Variants in ST18 observed in about 807,000 individuals in gnomAD.
ST18 encodes the protein suppression of tumorigenicity 18 protein.
Under a neutral mutation model 110.0 loss-of-function variants are expected in ST18, and 50 were observed. That is an observed-to-expected ratio of 0.45 (90% confidence interval 0.36 to 0.58). The LOEUF (loss-of-function observed/expected upper bound fraction) is 0.58, where lower values mean the gene tolerates loss of function less well. Among genes scored for constraint, ST18 ranks in the 20% least tolerant of loss-of-function variants. The pLI, the probability that ST18 is intolerant of heterozygous loss-of-function variation, is 0.00. For synonymous variants in ST18, 461 were observed against 452.4 expected (o/e 1.02, Z -0.24); for missense variants, 1,306 against 1,280.1 (o/e 1.02, Z -0.31).
chr8:52,372,982 C>T (rs1437790533), intron 2 of ST18, among the ~76,000 whole-genome samples: 1 of 152,144 alleles, frequency 6.6e-6, no homozygotes, highest in Non-Finnish European at 1.5e-5. Context: ...AAGTTTTGTA[C>T]AGCTTATTCT....
intron 23 of ST18, 132 bp downstream of exon 23, chr8:52,125,920 C>A: frequency 1.4e-6 from 1 of 732,926 alleles, no homozygotes; most frequent in Non-Finnish European, 2.2e-6. Context: ...TAGTTCAAAT[C>A]TGAGGAAACC....
intron 8 of ST18, among the ~76,000 whole-genome samples, chr8:52,208,572 A>G (rs2080967685): frequency 6.6e-6 from 1 of 152,258 alleles, no homozygotes; most frequent in African/African-American, 2.4e-5. Context: ...CACGCCTGTA[A>G]TCCCAGCACT....
intron 8 of ST18, among the ~76,000 whole-genome samples, chr8:52,198,081 G>A (rs998587522): frequency 3.3e-5 from 5 of 152,142 alleles, no homozygotes; most frequent in African/African-American, 1.2e-4. Context: ...ATGTGCAGTG[G>A]CGCGATCTCG....
chr8:52,267,119 C>T (rs570880624), intron 2 of ST18, among the ~76,000 whole-genome samples: 2 of 152,028 alleles, frequency 1.3e-5, no homozygotes, highest in South Asian at 2.1e-4. Flanking sequence ...ATGACTTCTG[C>T]GATGGTGCAC....
At chr8:52,356,477 G>A (rs1403260750) in intron 2 of ST18, among the ~76,000 whole-genome samples, 1 of 152,132 alleles carries the variant, frequency 6.6e-6, no homozygotes, top group Non-Finnish European at 1.5e-5. Context: ...ACAACAAGCA[G>A]TAGCAACAAA....
At chr8:52,391,453 T>G (rs1022752295) in intron 2 of ST18, among the ~76,000 whole-genome samples, 1 of 152,128 alleles carries the variant, frequency 6.6e-6, no homozygotes, top group Non-Finnish European at 1.5e-5. Flanking sequence ...GGAAGGAGAA[T>G]TTCAGTCGCG....
At chr8:52,166,778 G>C (rs969112194) in intron 11 of ST18, 74 bp downstream of exon 11, 3 of 1,387,724 alleles carry the variant, frequency 2.2e-6, no homozygotes, top group East Asian at 2.6e-5. Flanking sequence ...ATTCCAAATT[G>C]GGAGACAAAG....
chr8:52,295,067 C>T (rs2095611248), intron 2 of ST18, among the ~76,000 whole-genome samples: 1 of 152,224 alleles, frequency 6.6e-6, no homozygotes, highest in Non-Finnish European at 1.5e-5. Flanking sequence ...AGGAGCCTGC[C>T]AGGCAGCAAT....
At chr8:52,360,816 A>G (rs1304001968) in intron 2 of ST18, among the ~76,000 whole-genome samples, 1 of 152,202 alleles carries the variant, frequency 6.6e-6, no homozygotes, top group Non-Finnish European at 1.5e-5. Flanking sequence ...TGAGTTTTAC[A>G]AAGCCTTCCT....
At position 52,149,853 on chromosome 8, in the gene ST18, G is replaced by A. The variant is rs1023617365; in HGVS notation, c.1931C>T (p.Pro644Leu). The change falls in exon 16 of 26, where the codon CCA (proline) becomes CTA (leucine). Residue 644 changes from proline (P) to leucine (L), a missense_variant. Physicochemically the swap from Pro to Leu is moderately conservative, Grantham distance 98. Transcript: ENST00000689386. ...GACCAGAATGCTGCTTGTTTTGAAT[G>A]GGGAAGAGGAAGGAGTTGGAATAGA... The part of the protein sequence containing the change: ...NTSIPTPSSS[P>L]FKTSSILVNA... 4 of 1,614,040 alleles carry A rather than the reference G, an allele frequency of 2.5e-6. No homozygotes were observed. The highest frequency in any genetic ancestry group is 3.4e-6 in the Non-Finnish European group (4 of 1,180,024).
In ST18 at chr8:52,270,911, G is replaced by GTTTT. The variant is rs562488412; in HGVS notation, c.-464-40838_-464-40835dup. On this transcript the variant is annotated intron_variant, in intron 2 of 25. Transcript: ENST00000689386. ...ACTCAATCAAGTGGTTATAAGTTTT[G>GTTTT]TTTTTTTTTTTGAGATGGAGTCTCG... Among the ~76,000 whole-genome samples the GTTTT allele has an allele frequency of 5.2e-3, 749 of 144,780 alleles. 8 individuals carry two copies. The highest frequency in any genetic ancestry group is 0.018 in the African/African-American group (712 of 39,694). 95.0% of individuals were successfully genotyped at this position (144,780 alleles called of 152,430 possible).
intron 19 of ST18, among the ~76,000 whole-genome samples, chr8:52,133,949 T>C (rs2050904685): frequency 6.6e-6 from 1 of 152,148 alleles, no homozygotes; most frequent in African/African-American, 2.4e-5. Flanking sequence ...CAGGCTGATC[T>C]CAAACTCCTG....
rs767356806 is a variant in ST18, at chr8:52,142,908, CATGGCAT to C, written c.2168+15_2168+21del. ...ATCTTCATTCCAGAATCTTAGAGGG[CATGGCAT>C]TGGGCACCACTTACGTGATTAGTTC... On this transcript the variant is annotated intron_variant, in intron 17 of 25. Transcript: ENST00000689386. 3 of 1,484,688 alleles carry C rather than the reference CATGGCAT, an allele frequency of 2.0e-6. No homozygotes were observed. In the Admixed American group the frequency reaches 5.1e-5, roughly 25 times the overall value. The allele number at this position is 1,484,688 out of a possible 1,614,324, so 92.0% of individuals were successfully genotyped here.
At chr8:52,402,230 G>A (rs1181110623) in intron 2 of ST18, among the ~76,000 whole-genome samples, 1 of 152,162 alleles carries the variant, frequency 6.6e-6, no homozygotes, top group Non-Finnish European at 1.5e-5. Flanking sequence ...TTATTATCAG[G>A]TGTGACATGG....
At chr8:52,314,490 C>G (rs2095985822) in intron 2 of ST18, among the ~76,000 whole-genome samples, 1 of 152,168 alleles carries the variant, frequency 6.6e-6, no homozygotes, top group Non-Finnish European at 1.5e-5. Context: ...AAGGCACTTG[C>G]CTTAAACTCT....
chr8:52,378,593 C>T (rs1456926714), intron 2 of ST18, among the ~76,000 whole-genome samples: 1 of 152,146 alleles, frequency 6.6e-6, no homozygotes, highest in Non-Finnish European at 1.5e-5. Context: ...GGCAGATCTT[C>T]AGGTGTGCAT....
chr8:52,273,372 C>T (rs4302863), intron 2 of ST18, among the ~76,000 whole-genome samples: 5,946 of 152,210 alleles, frequency 0.039, 410 homozygotes, highest in African/African-American at 0.14. Flanking sequence ...GAAGAAAATT[C>T]ACAAAAGTTG....
chr8:52,378,397 A>T (rs537670845), intron 2 of ST18, among the ~76,000 whole-genome samples: 44 of 152,180 alleles, frequency 2.9e-4, no homozygotes, highest in South Asian at 6.2e-4. Context: ...TAATAATTAA[A>T]TTTTTTTTAA....
intron 2 of ST18, among the ~76,000 whole-genome samples, chr8:52,246,308 T>G (rs955141464): frequency 6.6e-6 from 1 of 151,926 alleles, no homozygotes; most frequent in African/African-American, 2.4e-5. Context: ...GCCAAAAAAC[T>G]TATGAAATAA....
Sources: gnomAD v4.1 joint callset for allele counts (sites outside exome capture counted in the v4.1 genomes callset) on GRCh38, gnomAD v4.1.1 for gene constraint, MANE v1.5 for transcripts, NCBI Gene and HGNC (gene_info 2026-07-23, HGNC 2026-07-21) for gene names.